MAP4K5: variants seen among roughly 807,000 people sequenced by gnomAD.
The protein encoded by MAP4K5 is MAPK/ERK kinase kinase kinase 5.
A neutral mutation model predicts 135.6 loss-of-function variants in MAP4K5; 82 were observed. That is an observed-to-expected ratio of 0.60 (90% CI 0.51 to 0.73). The LOEUF is 0.73. MAP4K5 is among the 30% of genes least tolerant of loss of function. The pLI, the probability that MAP4K5 is intolerant of heterozygous loss-of-function variation, is 0.00. For synonymous variants in MAP4K5, 347 were observed against 335.0 expected (o/e 1.04, Z -0.39); for missense variants, 907 against 1,010.9 (o/e 0.90, Z 1.39).
intron 14 of MAP4K5, among the ~76,000 whole-genome samples, chr14:50,452,077 C>T (rs2036501074): frequency 6.6e-6 from 1 of 152,204 alleles, no homozygotes; most frequent in Admixed American, 6.5e-5. Flanking sequence ...AGCTCCCAGT[C>T]AGCTACCCTA....
intron 5 of MAP4K5, among the ~76,000 whole-genome samples, chr14:50,483,943 C>T (rs2037309801): frequency 1.3e-5 from 2 of 151,942 alleles, no homozygotes; most frequent in Admixed American, 6.6e-5. Context: ...TCACTGCAAC[C>T]ACCGCCTCCT....
intron 2 of MAP4K5, among the ~76,000 whole-genome samples, chr14:50,523,462 A>G (rs548444681): frequency 2.6e-5 from 4 of 152,262 alleles, no homozygotes; most frequent in African/African-American, 4.8e-5. Context: ...CGGTGACTCA[A>G]TAAGAAAGAG....
upstream of MAP4K5, among the ~76,000 whole-genome samples, chr14:50,536,029 C>T (rs1237106871): frequency 6.6e-6 from 1 of 152,242 alleles, no homozygotes; most frequent in Non-Finnish European, 1.5e-5. Context: ...CTCTTCCTTG[C>T]CCTCTGCCAT....
chr14:50,473,900 A>G (rs931320308), intron 9 of MAP4K5, among the ~76,000 whole-genome samples: 11 of 151,076 alleles, frequency 7.3e-5, no homozygotes, highest in African/African-American at 2.7e-4. Context: ...ATTTTTTTGT[A>G]TTTTTAGTAG....
In MAP4K5 at chr14:50,528,398, G is replaced by A. The variant is rs1166732937; in HGVS notation, c.108+3544C>T. ...AGCTTCTGCTTCAAAAGATACCTAAGGTGTAAAAAAAAAAAAAAAAAAAAA... is the reference window on the plus strand; with the variant it reads ...AGCTTCTGCTTCAAAAGATACCTAAAGTGTAAAAAAAAAAAAAAAAAAAAA... On this transcript the variant is annotated intron_variant, in intron 2 of 32. Coordinates refer to ENST00000682126, the MANE Select transcript of MAP4K5 (RefSeq NM_006575.6). 3.3e-5 allele frequency among the ~76,000 whole-genome samples: 3 copies of A among 91,984 alleles called. No homozygotes were observed. The Admixed American group carries it at 3.8e-4, about 12-fold the overall frequency. The allele number at this position is 91,984 out of a possible 152,430, so 60.3% of individuals were successfully genotyped here. A position where few individuals can be genotyped will look rare whatever the true frequency, so the allele number is the denominator to read the frequency against.
At chr14:50,502,337 T>C (rs2037724016) in intron 3 of MAP4K5, among the ~76,000 whole-genome samples, 1 of 152,098 alleles carries the variant, frequency 6.6e-6, no homozygotes, top group African/African-American at 2.4e-5. Context: ...CGAAAAACAT[T>C]TGAAAACTGC....
At chr14:50,475,752 CTAAA>C (rs1388944607) in intron 8 of MAP4K5, among the ~76,000 whole-genome samples, 5 of 152,080 alleles carry the variant, frequency 3.3e-5, no homozygotes, top group African/African-American at 9.7e-5. Flanking sequence ...TTGTAAAATA[CTAAA>C]TAAATATACA....
intron 2 of MAP4K5, among the ~76,000 whole-genome samples, chr14:50,530,482 A>G (rs2038362977): frequency 6.6e-6 from 1 of 152,216 alleles, no homozygotes; most frequent in Non-Finnish European, 1.5e-5. Context: ...AACTAAATTG[A>G]ACTCGTCTAA....
intron 17 of MAP4K5, among the ~76,000 whole-genome samples, 185 bp from the exon 18 acceptor site, chr14:50,445,379 C>T (rs202168822): frequency 6.6e-6 from 1 of 151,988 alleles, no homozygotes; most frequent in African/African-American, 2.4e-5. Context: ...TTTAATCAGC[C>T]TTAAAACTGA....
At chr14:50,517,466 G>A (rs551730453) in intron 2 of MAP4K5, among the ~76,000 whole-genome samples, 72 of 149,364 alleles carry the variant, frequency 4.8e-4, no homozygotes, top group Admixed American at 8.7e-4. Context: ...ATATTTTTAA[G>A]TTTTAAAAAT....
chr14:50,455,645 T>C (rs1043378809), intron 14 of MAP4K5, among the ~76,000 whole-genome samples: 1 of 152,040 alleles, frequency 6.6e-6, no homozygotes, highest in Non-Finnish European at 1.5e-5. Flanking sequence ...AAGCTAGAAA[T>C]GTTTGGGTTT....
At chr14:50,497,721 GA>G (rs1203575526) in intron 3 of MAP4K5, among the ~76,000 whole-genome samples, 40 of 152,210 alleles carry the variant, frequency 2.6e-4, no homozygotes, top group African/African-American at 9.1e-4. Context: ...TCTATTCAAA[GA>G]TATTTAAAGA....
chr14:50,466,067 C>T (rs957298612), intron 11 of MAP4K5, among the ~76,000 whole-genome samples: 5 of 151,684 alleles, frequency 3.3e-5, no homozygotes, highest in Admixed American at 1.3e-4. Flanking sequence ...AGTGAGACTC[C>T]GTCTCCACAA....
intron 6 of MAP4K5, among the ~76,000 whole-genome samples, chr14:50,477,394 C>T (rs889283977): frequency 3.9e-5 from 6 of 152,150 alleles, no homozygotes; most frequent in Admixed American, 3.9e-4. Flanking sequence ...ATTTTCTACA[C>T]AGATGATGAT....
chr14:50,540,000 CT>C (rs753385160), intron 2 of MAP4K5, among the ~76,000 whole-genome samples: 1 of 152,082 alleles, frequency 6.6e-6, no homozygotes, highest in Non-Finnish European at 1.5e-5. Context: ...ACAATTTACT[CT>C]TTTCAAGGCA....
chr14:50,473,755 G>A (rs74473388), intron 9 of MAP4K5, among the ~76,000 whole-genome samples: 8 of 120,092 alleles, frequency 6.7e-5, no homozygotes, highest in South Asian at 5.0e-4. Context: ...ACGGAGTCTC[G>A]CTCTGTCGCC....
intron 30 of MAP4K5, among the ~76,000 whole-genome samples, chr14:50,427,490 A>G (rs2035872070): frequency 6.6e-6 from 1 of 152,200 alleles, no homozygotes; most frequent in Admixed American, 6.5e-5. Context: ...CCAATTGAGA[A>G]ATACATATTA....
intron 5 of MAP4K5, among the ~76,000 whole-genome samples, chr14:50,483,439 C>T (rs1336420549): frequency 2.6e-5 from 4 of 151,884 alleles, no homozygotes; most frequent in South Asian, 2.1e-4. Flanking sequence ...AAATTTCTAC[C>T]GCGTATTTTA....
chr14:50,491,788 C>T (rs1371580295), intron 3 of MAP4K5, among the ~76,000 whole-genome samples: 1 of 151,602 alleles, frequency 6.6e-6, no homozygotes, highest in African/African-American at 2.4e-5. Context: ...TGGGCTCAAG[C>T]AATTCTCCCA....
Sources: gnomAD v4.1 joint callset for allele counts (sites outside exome capture counted in the v4.1 genomes callset) on GRCh38, gnomAD v4.1.1 for gene constraint, MANE v1.5 for transcripts, NCBI Gene and HGNC (gene_info 2026-07-23, HGNC 2026-07-21) for gene names.